The following PAN2 variants were observed in gnomAD, a reference collection of about 807,000 sequenced individuals.
PAN2 encodes PAN2-PAN3 deadenylation complex catalytic subunit PAN2.
PAN2 carries 68 observed loss-of-function variants against 133.3 expected under a neutral mutation model. That is an observed-to-expected ratio of 0.51 (90% confidence interval 0.42 to 0.62). PAN2 has a LOEUF of 0.62. PAN2 is among the 20% of genes least tolerant of loss of function. The pLI is 0.00. For synonymous variants in PAN2, 462 were observed against 544.6 expected (o/e 0.85, Z 2.11); for missense variants, 1,042 against 1,500.5 (o/e 0.69, Z 5.05).
rs1335838492 is a variant in PAN2, at chr12:56,324,279, A to G, written c.1928+15T>C. 1 of 1,612,694 alleles carries G rather than the reference A, an allele frequency of 6.2e-7. No individual in the cohort carries two copies. Among genetic ancestry groups the G allele is most frequent in the East Asian group, 2.2e-5 (1 of 44,870 alleles). ...TGTCATGATGGCTTTAACTATTTCT[A>G]TCCTGATTTCATACCTGCCTCCAGC... On this transcript the variant is annotated intron_variant, in intron 12 of 25. Coordinates refer to ENST00000440411, the MANE Select transcript of PAN2 (RefSeq NM_014871.6).
rs775975762 is a variant in PAN2, at chr12:56,322,767, G to A, written c.2494-9C>T. 2.0e-5 allele frequency: 33 copies of A among 1,609,878 alleles called. 1 individual carries two copies. Among genetic ancestry groups the A allele is most frequent in the South Asian group, 1.4e-4 (13 of 90,926 alleles). ...GCCCTGGCTGGGCCCCACTGTGAGG[G>A]GGGTACCCAGGCTGCTAAGCTAAGT... On this transcript the variant is annotated splice_polypyrimidine_tract_variant and intron_variant, in intron 17 of 25. Transcript: ENST00000440411.
rs1391861538 is a variant in PAN2, at chr12:56,319,273, C to G, written c.3270+35G>C. ...CAATGTATACCCTGAGGGGCCCACT[C>G]TCACAAGAAGACTCTTAAAAGAGCC... On this transcript the variant is annotated intron_variant, in intron 23 of 25. Coordinates refer to ENST00000440411, the MANE Select transcript of PAN2 (RefSeq NM_014871.6). The surrounding 1 kb of genome is among the most constrained non-coding windows in gnomAD (Gnocchi z 5.4). The G allele has an allele frequency of 6.2e-7, 1 of 1,611,524 alleles. No individual in the cohort carries two copies. Among genetic ancestry groups the G allele is most frequent in the East Asian group, 2.2e-5 (1 of 44,844 alleles).
Position 56,323,913 on chromosome 12 carries a change from T to C in PAN2, c.2066A>G (p.Asp689Gly). ...AAAGTCATAGTTCTTCCCAGTTTTA[T>C]CTGAGGGAAAATTAGATGCTATACT... Reference protein sequence around the residue: ...TLLFTLSYPDDKTGKNYDFAQ... With the variant: ...TLLFTLSYPDGKTGKNYDFAQ... Residue 689 changes from aspartate (D) to glycine (G), a missense_variant and splice_region_variant, in exon 14 of 26, where the codon GAT (aspartate) becomes GGT (glycine). Transcript: ENST00000440411. 3.1e-6 allele frequency: 5 copies of C among 1,613,204 alleles called. No individual in the cohort carries two copies. Among genetic ancestry groups the C allele is most frequent in the Non-Finnish European group, 4.2e-6 (5 of 1,179,112 alleles).
chr12:56,328,950 T>C (rs1031856627), intron 2 of PAN2, among the ~76,000 whole-genome samples: 16 of 152,338 alleles, frequency 1.1e-4, no homozygotes, highest in African/African-American at 3.6e-4. Flanking sequence ...GTCAGGGACA[T>C]GGTCCAATTC....
Position 56,324,146 on chromosome 12 carries a change from G to T in PAN2, c.1968C>A (p.Leu656=). The T allele has an allele frequency of 1.9e-6, 3 of 1,614,086 alleles. No homozygotes were observed. The highest frequency in any genetic ancestry group is 2.5e-6 in the Non-Finnish European group (3 of 1,180,024). ...CSSGDSVIGQ[L]FSCEMENCSL... ...TGCAGTTCTCCATCTCACAGCTGAA[G>T]AGCTGCCCAATAACAGAGTCCCCCG... Residue 656 remains leucine, a synonymous_variant, in exon 13 of 26, where the codon CTC becomes CTA. Transcript: ENST00000440411.
chr12:56,322,918 T>A (rs1057073345), intron 17 of PAN2, 144 bp downstream of exon 17: 1 of 1,282,808 alleles, frequency 7.8e-7, no homozygotes, highest in East Asian at 2.4e-5. Flanking sequence ...ACTGAGTGAC[T>A]ATGGAAAATC....
intron 25 of PAN2, among the ~76,000 whole-genome samples, chr12:56,317,895 T>C (rs1299050602): frequency 2.0e-5 from 3 of 152,260 alleles, no homozygotes; most frequent in Non-Finnish European, 4.4e-5. Context: ...ATCCACCCAA[T>C]TGGGGGCGCT....
intron 5 of PAN2, 106 bp downstream of exon 5, chr12:56,327,889 C>T (rs1875297785): frequency 1.3e-6 from 2 of 1,542,256 alleles, no homozygotes; most frequent in Non-Finnish European, 1.7e-6. Context: ...CCACTCATCC[C>T]TCACCTCCAA....
rs751054857 is a variant in PAN2, at chr12:56,322,079, G to A, written c.2787C>T (p.Asn929=). 7.6e-6 allele frequency: 12 copies of A among 1,575,252 alleles called. No individual in the cohort carries two copies. In the East Asian group the frequency reaches 1.6e-4, roughly 21 times the overall value. The change falls in exon 20 of 26, where the codon AAC becomes AAT. Residue 929 remains asparagine (N), a splice_region_variant and synonymous_variant. Coordinates refer to ENST00000440411, the MANE Select transcript of PAN2 (RefSeq NM_014871.6). ...KRNLNSRYNL[N]IKNPIEASVL... is the part of the protein sequence containing the mutation. Reference sequence around the variant, plus strand: ...TTGGGTCTACTATGTAGCACTTACTGTTCAGGTTGTATCTGGAATTGAGAT... The same window carrying A: ...TTGGGTCTACTATGTAGCACTTACTATTCAGGTTGTATCTGGAATTGAGAT...
In PAN2 at chr12:56,322,115, A is replaced by G; in HGVS notation, c.2751T>C (p.Tyr917=). The change falls in exon 20 of 26, where the codon TAT becomes TAC. Residue 917 remains tyrosine, a synonymous_variant. Coordinates refer to ENST00000440411, the MANE Select transcript of PAN2 (RefSeq NM_014871.6). ...MNWKVPAILY[Y]VKRNLNSRYN... is the part of the protein sequence containing the mutation. ...ATCTGGAATTGAGATTCCGTTTGAC[A>G]TAATAAAGGATTGCAGGTACTTTCC... is the stretch of plus-strand genomic sequence containing the variant. 1 of 1,610,408 alleles carries G rather than the reference A, an allele frequency of 6.2e-7. No homozygotes were observed. Among genetic ancestry groups the G allele is most frequent in the Non-Finnish European group, 8.5e-7 (1 of 1,176,614 alleles).
chr12:56,322,687 G>A lies in PAN2; in HGVS notation c.2565C>T (p.Ile855=), dbSNP rs1874689324. The change falls in exon 18 of 26, where the codon ATC becomes ATT. Residue 855 remains isoleucine, a synonymous_variant. Coordinates refer to ENST00000440411, the MANE Select transcript of PAN2 (RefSeq NM_014871.6). ...VYDLMATVVH[I]LDSRTGGSLV... is the part of the protein sequence containing the mutation. ...GGCTGCCCCCTGTGCGTGAGTCCAGGATGTGTACCACAGTAGCCATCAGGT... is the reference window on the plus strand; with the variant it reads ...GGCTGCCCCCTGTGCGTGAGTCCAGAATGTGTACCACAGTAGCCATCAGGT... The A allele has an allele frequency of 1.2e-6, 2 of 1,614,008 alleles. No individual in the cohort carries two copies. The highest frequency in any genetic ancestry group is 3.3e-5 in the Admixed American group (2 of 60,000).
intron 13 of PAN2, 39 bp downstream of exon 13, chr12:56,324,010 C>T: frequency 6.2e-7 from 1 of 1,612,744 alleles, no homozygotes; most frequent in Non-Finnish European, 8.5e-7. Context: ...TTTTGGGGAG[C>T]CTTCCCAACT....
chr12:56,332,696 G>A, intron 2 of PAN2, 117 bp downstream of exon 2: 2 of 951,386 alleles, frequency 2.1e-6, no homozygotes, highest in Non-Finnish European at 3.3e-6. Flanking sequence ...ACCAGACCCA[G>A]CTGTCTCATC....
At chr12:56,325,558 A>G (rs2135976112) in intron 8 of PAN2, 104 bp from the exon 9 acceptor site, 1 of 1,236,792 alleles carries the variant, frequency 8.1e-7, no homozygotes, top group Non-Finnish European at 1.2e-6. Context: ...TGAACCTTCT[A>G]TATTCATAGC....
chr12:56,328,159 C>A, intron 4 of PAN2, 79 bp downstream of exon 4: 3 of 1,601,756 alleles, frequency 1.9e-6, no homozygotes, highest in Non-Finnish European at 1.7e-6. Context: ...ACATCTCAGG[C>A]ACATTACCAG....
rs1465353627 is a variant in PAN2, at chr12:56,326,639, C to A, written c.1240G>T (p.Ala414Ser). 1.9e-6 allele frequency: 3 copies of A among 1,613,234 alleles called. No homozygotes were observed. Among genetic ancestry groups the A allele is most frequent in the Middle Eastern group, 1.7e-4 (1 of 6,022 alleles). The stretch of plus-strand genomic sequence containing the variant: ...AACCTGGGAGCTGGAGCAGAGTTGG[C>A]AGCAGGCCAATCAGAGAGAAGTGTG... The part of the protein sequence containing the change: ...TDTLLSDWPA[A>S]NSAPAPRRAP... The change falls in exon 7 of 26, where the codon GCC (alanine) becomes TCC (serine). Residue 414 changes from alanine to serine, a missense_variant. Physicochemically the swap from Ala to Ser is moderately conservative, Grantham distance 99. Coordinates refer to ENST00000440411, the MANE Select transcript of PAN2 (RefSeq NM_014871.6).
chr12:56,323,997 A>G (rs1874849249), intron 13 of PAN2, 52 bp downstream of exon 13: 4 of 1,611,992 alleles, frequency 2.5e-6, no homozygotes, highest in Non-Finnish European at 3.4e-6. Context: ...ATATTACAGG[A>G]CATTTTGGGG....
At chr12:56,318,708 A>G (rs1592427597) in intron 24 of PAN2, 1 of 441,520 alleles carries the variant, frequency 2.3e-6, no homozygotes, top group South Asian at 3.6e-5. Context: ...TTTATATTTA[A>G]ATTTTATTTT....
chr12:56,322,979 G>A, intron 17 of PAN2, 83 bp downstream of exon 17: 1 of 1,542,620 alleles, frequency 6.5e-7, no homozygotes, highest in African/African-American at 1.4e-5. Context: ...CCTCTGCTAA[G>A]TTTCACCTTC....
Sources: gnomAD v4.1 joint callset for allele counts (sites outside exome capture counted in the v4.1 genomes callset) on GRCh38, gnomAD v4.1.1 for gene constraint, Gnocchi (gnomAD v3.1) non-coding constraint, MANE v1.5 for transcripts, NCBI Gene and HGNC (gene_info 2026-07-23, HGNC 2026-07-21) for gene names.